The following RANBP17 variants were observed in gnomAD, a reference collection of about 807,000 sequenced individuals.
The protein encoded by RANBP17 is RAN binding protein 17.
A neutral mutation model predicts 141.2 loss-of-function variants in RANBP17; 158 were observed. The ratio of observed to expected loss-of-function variants is 1.12; its 90% CI spans 0.98 to 1.28. The LOEUF (loss-of-function observed/expected upper bound fraction) is 1.28. Among genes scored for constraint, RANBP17 ranks in the 50% most tolerant of loss-of-function variants. RANBP17 has a pLI of 0.00. For missense variants in RANBP17, 1,438 were observed against 1,290.7 expected (o/e 1.11, Z -1.75); for synonymous variants, 430 against 450.0 (o/e 0.96, Z 0.56).
intron 14 of RANBP17, among the ~76,000 whole-genome samples, chr5:171,042,492 TA>T (rs910839842): frequency 2.0e-5 from 3 of 152,142 alleles, no homozygotes; most frequent in Non-Finnish European, 2.9e-5. Context: ...TTTTCAGTGT[TA>T]GGGAAATATA....
intron 3 of RANBP17, among the ~76,000 whole-genome samples, chr5:170,882,437 G>T (rs1768790020): frequency 6.6e-6 from 1 of 152,108 alleles, no homozygotes; most frequent in South Asian, 2.1e-4. Flanking sequence ...TATTTGTTAA[G>T]ATTTGTACTA....
rs527997551 is a variant in RANBP17 at position 171,140,654 on chromosome 5, T to C, written c.1711-29476T>C. On this transcript the variant is annotated intron_variant, in intron 14 of 27. Coordinates refer to ENST00000523189, the MANE Select transcript of RANBP17 (RefSeq NM_022897.5). ...GGATGGGAGTGGGCTGAGAGATTTG[T>C]ACAAGGCACAATGGAGCATTTTGCA... Among the ~76,000 whole-genome samples the C allele has an allele frequency of 3.9e-5, 6 of 152,336 alleles. No homozygotes were observed. In the South Asian group the frequency reaches 1.2e-3, roughly 32 times the overall value.
At chr5:171,073,970 T>C (rs1784771688) in intron 14 of RANBP17, among the ~76,000 whole-genome samples, 1 of 152,040 alleles carries the variant, frequency 6.6e-6, no homozygotes, top group South Asian at 2.1e-4. Flanking sequence ...AACAGACAAA[T>C]CTTCCTTAAG....
At chr5:170,948,914 G>C (rs2127488904) in intron 12 of RANBP17, among the ~76,000 whole-genome samples, 1 of 152,214 alleles carries the variant, frequency 6.6e-6, no homozygotes, top group South Asian at 2.1e-4. Context: ...CAGTTTGGGA[G>C]GCCAAGGTAG....
intron 13 of RANBP17, among the ~76,000 whole-genome samples, chr5:170,967,032 A>G (rs907676233): frequency 2.0e-5 from 3 of 152,184 alleles, no homozygotes; most frequent in African/African-American, 7.2e-5. Flanking sequence ...CCACTGCTCA[A>G]TGAAATAAAA....
rs146525374 is a variant in RANBP17, at chr5:170,937,828, A to C, written c.1468+13278A>C. Among the ~76,000 whole-genome samples the C allele has an allele frequency of 3.6e-3, 554 of 152,314 alleles. 4 individuals carry two copies. The highest frequency in any genetic ancestry group is 0.012 in the African/African-American group (516 of 41,564). ...TAATTTGGATTGTGTTTAGCCAGCT[A>C]TCTATAAAATTACATTTAAAAAATA... On this transcript the variant is annotated intron_variant, in intron 12 of 27. Transcript: ENST00000523189.
chr5:170,892,348 T>G, intron 3 of RANBP17, 39 bp from the exon 4 acceptor site: 1 of 1,427,874 alleles, frequency 7.0e-7, no homozygotes, highest in Non-Finnish European at 9.4e-7. Flanking sequence ...ATGTTGTTTC[T>G]GAAAAGTCCA....
intron 22 of RANBP17, among the ~76,000 whole-genome samples, chr5:171,231,735 G>A (rs1450485867): frequency 6.6e-6 from 1 of 151,918 alleles, no homozygotes; most frequent in Non-Finnish European, 1.5e-5. Flanking sequence ...CGGTTACTTG[G>A]TATGGCTCCA....
At chr5:171,058,132 C>T (rs774563210) in intron 14 of RANBP17, among the ~76,000 whole-genome samples, 2 of 151,928 alleles carry the variant, frequency 1.3e-5, no homozygotes, top group African/African-American at 2.4e-5. Flanking sequence ...ACCTATTTCT[C>T]TCTTACCTCA....
chr5:171,060,628 T>G (rs1420885031), intron 14 of RANBP17, among the ~76,000 whole-genome samples: 1 of 152,134 alleles, frequency 6.6e-6, no homozygotes, highest in Non-Finnish European at 1.5e-5. Context: ...AATTCTCTTT[T>G]TTGGTTGTGT....
chr5:170,904,264 G>T, intron 5 of RANBP17: 2 of 265,362 alleles, frequency 7.5e-6, no homozygotes, highest in East Asian at 9.6e-5. Flanking sequence ...TCATGGAAAT[G>T]AAAGAGAGAT....
intron 5 of RANBP17, among the ~76,000 whole-genome samples, chr5:170,906,855 T>G (rs558432792): frequency 5.3e-4 from 80 of 152,046 alleles, no homozygotes; most frequent in African/African-American, 1.8e-3. Flanking sequence ...CAGTCTAAGC[T>G]TTTCTTGCAT....
At chr5:171,082,847 T>G (rs1785341125) in intron 14 of RANBP17, among the ~76,000 whole-genome samples, 2 of 151,574 alleles carry the variant, frequency 1.3e-5, no homozygotes, top group African/African-American at 4.8e-5. Flanking sequence ...TTAGATAGAC[T>G]GTAGCATTTT....
intron 25 of RANBP17, among the ~76,000 whole-genome samples, chr5:171,281,376 T>C (rs530513493): frequency 5.4e-4 from 82 of 152,330 alleles, no homozygotes; most frequent in African/African-American, 1.9e-3. Flanking sequence ...ATGTGGCTTC[T>C]TATTTTACAT....
intron 12 of RANBP17, among the ~76,000 whole-genome samples, chr5:170,939,359 TTTTATTTATTTATTTA>T (rs370040899): frequency 3.3e-4 from 49 of 147,638 alleles, no homozygotes; most frequent in East Asian, 5.9e-4. Context: ...AAAAATTTTA[TTTTATTTATTTATTTA>T]TTTATTTATT....
rs1784407182 is a variant in RANBP17, at chr5:171,067,973, T to C, written c.1710+99596T>C. 2.0e-5 allele frequency among the ~76,000 whole-genome samples: 3 copies of C among 152,146 alleles called. No individual in the cohort carries two copies. In the South Asian group the frequency reaches 6.2e-4, roughly 31 times the overall value. On this transcript the variant is annotated intron_variant, in intron 14 of 27. Coordinates refer to ENST00000523189, the MANE Select transcript of RANBP17 (RefSeq NM_022897.5). ...CGTTATTTCTTCTCTTCCTTACTGC[T>C]CCTTTCTCCCTCTCTTTTCCTTCTT...
At chr5:171,034,646 G>A (rs932523742) in intron 14 of RANBP17, among the ~76,000 whole-genome samples, 2 of 152,142 alleles carry the variant, frequency 1.3e-5, no homozygotes, top group African/African-American at 4.8e-5. Flanking sequence ...CTTCATGGGA[G>A]CACCTTCCAT....
At chr5:171,189,971 C>T (rs1761517919) in intron 18 of RANBP17, among the ~76,000 whole-genome samples, 1 of 151,312 alleles carries the variant, frequency 6.6e-6, no homozygotes, top group South Asian at 2.1e-4. Flanking sequence ...GAGGATCCTC[C>T]TCAAATTAAA....
intron 14 of RANBP17, chr5:171,158,221 TAGTTA>T (rs753139565): frequency 1.7e-5 from 3 of 173,946 alleles, no homozygotes; most frequent in African/African-American, 4.7e-5. Flanking sequence ...CATTTTAAAT[TAGTTA>T]AGTTCAGTGT....
Sources: gnomAD v4.1 joint callset for allele counts (sites outside exome capture counted in the v4.1 genomes callset) on GRCh38, gnomAD v4.1.1 for gene constraint, MANE v1.5 for transcripts, NCBI Gene and HGNC (gene_info 2026-07-23, HGNC 2026-07-21) for gene names.